The following MCM10 variants were observed in gnomAD, a reference collection of about 807,000 sequenced individuals.
MCM10 encodes protein MCM10 homolog.
A neutral mutation model predicts 109.9 loss-of-function variants in MCM10; 91 were observed. The observed-to-expected ratio is 0.83, with a 90% CI of 0.70 to 0.99. The LOEUF (loss-of-function observed/expected upper bound fraction) is 0.99, where lower values mean the gene tolerates loss of function less well. MCM10 is among the 50% of genes least tolerant of loss of function. The pLI is 0.00. For synonymous variants in MCM10, 380 were observed against 387.2 expected, an observed-to-expected ratio of 0.98 and a Z score of 0.22; for missense variants, 1,077 against 1,061.2, an observed-to-expected ratio of 1.01 and a Z score of -0.21.
At position 13,170,989 on chromosome 10, in the gene MCM10, T is replaced by C. The variant is rs1238439736; in HGVS notation, c.75T>C (p.Asn25=). 6.2e-7 allele frequency: 1 copy of C among 1,614,216 alleles called. No individual in the cohort carries two copies. Among genetic ancestry groups the C allele is most frequent in the African/African-American group, 1.3e-5 (1 of 75,062 alleles). The change falls in exon 3 of 20, where the codon AAT becomes AAC. Residue 25 remains asparagine (N), a synonymous_variant. Coordinates refer to ENST00000378714, the MANE Select transcript of MCM10 (RefSeq NM_018518.5). ...LEENESALDC[N]SEENNFLTRE... ...AAAATGAGTCAGCCTTGGATTGTAA[T>C]TCAGAAGAAAATAACTTCTTGACGC... is the stretch of plus-strand genomic sequence containing the variant.
At chr10:13,207,300 T>C (rs1296533120) in intron 18 of MCM10, among the ~76,000 whole-genome samples, 1 of 152,180 alleles carries the variant, frequency 6.6e-6, no homozygotes, top group Non-Finnish European at 1.5e-5. Context: ...AAACTGGTGA[T>C]GTGCTGGATT....
At chr10:13,180,807 C>T (rs1834200743) in intron 7 of MCM10, among the ~76,000 whole-genome samples, 200 bp downstream of exon 7, 1 of 152,180 alleles carries the variant, frequency 6.6e-6, no homozygotes, top group Non-Finnish European at 1.5e-5. Context: ...CCTGGTGGTA[C>T]AGGTTTCTTG....
chr10:13,186,857 T>A (rs1202135140), intron 9 of MCM10, among the ~76,000 whole-genome samples: 1 of 152,052 alleles, frequency 6.6e-6, no homozygotes, highest in Admixed American at 6.6e-5. Flanking sequence ...GCGGTCATGG[T>A]GGTGGGCGCC....
Position 13,208,199 on chromosome 10 carries a change from C to T in MCM10, c.2499-892C>T, listed in dbSNP as rs183439153. On this transcript the variant is annotated intron_variant, in intron 18 of 19. Coordinates refer to ENST00000378714, the MANE Select transcript of MCM10 (RefSeq NM_018518.5). ...AGGAGTTCAAGACCAGCCTGGGCAA[C>T]ATAGTGAGACTCCCCATCTCTACAG... is the stretch of plus-strand genomic sequence containing the variant. Among the ~76,000 whole-genome samples, 133 of 152,040 alleles carry T rather than the reference C, an allele frequency of 8.7e-4. 1 individual carries two copies. Among genetic ancestry groups the T allele is most frequent in the African/African-American group, 2.9e-3 (120 of 41,450 alleles).
chr10:13,168,843 ATTAT>A (rs1834034510), intron 2 of MCM10, among the ~76,000 whole-genome samples: 1 of 152,208 alleles, frequency 6.6e-6, no homozygotes, highest in South Asian at 2.1e-4. Flanking sequence ...GATGATAGCA[ATTAT>A]TTAGGGAGAT....
intron 1 of MCM10, among the ~76,000 whole-genome samples, chr10:13,161,930 T>C (rs1269593537): frequency 6.6e-6 from 1 of 152,186 alleles, no homozygotes; most frequent in Non-Finnish European, 1.5e-5. Flanking sequence ...GTTTCTCGTA[T>C]TCATGATTTG....
chr10:13,173,005 T>C (rs1834095528), intron 5 of MCM10, among the ~76,000 whole-genome samples: 2 of 152,118 alleles, frequency 1.3e-5, no homozygotes, highest in South Asian at 4.1e-4. Flanking sequence ...TCCTAGGAGT[T>C]TGAGGCCAGG....
rs1259882705 is a variant in MCM10 at position 13,172,933 on chromosome 10, C to G, written c.592+168C>G. ...ACATGATATATTTTGTGTTCTTCGT[C>G]TACATCTCAAAGTGCCTAGAAAATC... is the stretch of plus-strand genomic sequence containing the variant. On this transcript the variant is annotated intron_variant, in intron 5 of 19. Coordinates refer to ENST00000378714, the MANE Select transcript of MCM10 (RefSeq NM_018518.5). This position sits in a 1 kb window ranked among gnomAD's most constrained non-coding sequence, Gnocchi z 5.2. Among the ~76,000 whole-genome samples the G allele has an allele frequency of 6.6e-6, 1 of 152,242 alleles. No individual in the cohort carries two copies. The highest frequency in any genetic ancestry group is 2.1e-4 in the South Asian group (1 of 4,824).
chr10:13,178,423 G>A (rs1834168815), intron 6 of MCM10, among the ~76,000 whole-genome samples: 2 of 152,118 alleles, frequency 1.3e-5, no homozygotes, highest in African/African-American at 4.8e-5. Flanking sequence ...TTTGTATATG[G>A]CGAGAGATAG....
chr10:13,193,176 T>C (rs2131580398), intron 13 of MCM10, among the ~76,000 whole-genome samples: 1 of 152,182 alleles, frequency 6.6e-6, no homozygotes, highest in South Asian at 2.1e-4. Flanking sequence ...CAGTTTTTTA[T>C]GACAGGCAGA....
chr10:13,209,324 C>T lies in MCM10; in HGVS notation c.*14C>T, dbSNP rs747488788. On this transcript the variant is annotated 3_prime_UTR_variant, in exon 20 of 20. Coordinates refer to ENST00000378714, the MANE Select transcript of MCM10 (RefSeq NM_018518.5). ...AGCCTTAAATAACCCGAACTTCAGA[C>T]ATTTTCCCACAGACTTCCTGGCCTC... is the stretch of plus-strand genomic sequence containing the variant. 2 of 1,602,538 alleles carry T rather than the reference C, an allele frequency of 1.2e-6. No homozygotes were observed. The highest frequency in any genetic ancestry group is 2.2e-5 in the South Asian group (2 of 90,740).
rs1370848232 is a variant in MCM10, at chr10:13,186,270, C to G, written c.1205C>G (p.Thr402Ser). The change falls in exon 9 of 20, where the codon ACT becomes AGT. Residue 402 changes from threonine to serine, a missense_variant. Coordinates refer to ENST00000378714, the MANE Select transcript of MCM10 (RefSeq NM_018518.5). ...KKKNGEPCTQ[T>S]VNLRDCEYCQ... ...AAGAATGGAGAGCCGTGCACGCAGACTGTGAATTTGGTTGGTTTCAGCCTT... is the reference window on the plus strand; with the variant it reads ...AAGAATGGAGAGCCGTGCACGCAGAGTGTGAATTTGGTTGGTTTCAGCCTT... 6.2e-7 allele frequency: 1 copy of G among 1,609,682 alleles called. No individual in the cohort carries two copies. The highest frequency in any genetic ancestry group is 2.2e-5 in the East Asian group (1 of 44,818).
chr10:13,198,645 T>C (rs895103170), intron 15 of MCM10, 44 bp from the exon 16 acceptor site: 5 of 1,339,336 alleles, frequency 3.7e-6, no homozygotes, highest in East Asian at 4.6e-5. Flanking sequence ...ACTGGCTTTC[T>C]GAAATTTCTT....
chr10:13,198,004 C>G (rs967772529), intron 15 of MCM10, among the ~76,000 whole-genome samples: 6 of 151,454 alleles, frequency 4.0e-5, no homozygotes, highest in Admixed American at 1.3e-4. Context: ...CCTCTGCCTC[C>G]TGGGTTCAAG....
chr10:13,205,596 C>A (rs1278096968), intron 18 of MCM10, among the ~76,000 whole-genome samples: 1 of 152,144 alleles, frequency 6.6e-6, no homozygotes, highest in African/African-American at 2.4e-5. Flanking sequence ...TTTGAGAAAT[C>A]TTCATATGTT....
In MCM10 at chr10:13,209,633, A is replaced by C. The variant is rs1834632096; in HGVS notation, c.*323A>C. 3.0e-6 allele frequency: 1 copy of C among 330,196 alleles called. No individual in the cohort carries two copies. The highest frequency in any genetic ancestry group is 5.6e-6 in the Non-Finnish European group (1 of 179,352). 20.5% of individuals were successfully genotyped at this position (330,196 alleles called of 1,614,324 possible). ...ATGTTTCTGTATCTTTTGGTTATAG[A>C]GTGTTCACTTCTTTATCATAACAAA... is the stretch of plus-strand genomic sequence containing the variant. On this transcript the variant is annotated 3_prime_UTR_variant, in exon 20 of 20. Transcript: ENST00000378714.
intron 3 of MCM10, among the ~76,000 whole-genome samples, chr10:13,171,787 C>T (rs931155957): frequency 1.3e-5 from 2 of 150,190 alleles, no homozygotes; most frequent in African/African-American, 4.9e-5. Context: ...TTTTCCGAGA[C>T]AGATTCTTGC....
At chr10:13,203,915 G>A (rs112948243) in intron 17 of MCM10, among the ~76,000 whole-genome samples, 3,474 of 152,214 alleles carry the variant, frequency 0.023, 108 homozygotes, top group African/African-American at 0.066. Context: ...TTTACAGTAC[G>A]TTTCCTCTCC....
intron 6 of MCM10, among the ~76,000 whole-genome samples, chr10:13,177,508 CTTTTTTTTTT>C (rs60316855): frequency 0.025 from 2,678 of 105,306 alleles, 108 homozygotes; most frequent in African/African-American, 0.1. Context: ...GATTTTGGAG[CTTTTTTTTTT>C]TTTTTTTTTT....
Sources: allele counts gnomAD v4.1 joint callset (sites outside exome capture counted in the v4.1 genomes callset), GRCh38; gene constraint gnomAD v4.1.1; non-coding constraint Gnocchi (gnomAD v3.1); transcripts MANE v1.5; gene names NCBI Gene and HGNC (gene_info 2026-07-23, HGNC 2026-07-21).